Variants in GLCCI1 observed in about 807,000 individuals in gnomAD.
The protein encoded by GLCCI1 is glucocorticoid-induced transcript 1 protein.
In GLCCI1, 24 loss-of-function variants were observed where a neutral mutation model predicts 52.2. The observed-to-expected ratio is 0.46, with a 90% CI of 0.33 to 0.65. GLCCI1 has a LOEUF of 0.65. Among genes scored for constraint, GLCCI1 ranks in the 30% least tolerant of loss-of-function variants. The pLI, the probability that GLCCI1 is intolerant of heterozygous loss-of-function variation, is 0.02. For synonymous variants in GLCCI1, 310 were observed against 276.5 expected (o/e 1.12, Z -1.20); for missense variants, 704 against 701.5 (o/e 1.00, Z -0.04).
intron 1 of GLCCI1, among the ~76,000 whole-genome samples, chr7:7,979,591 T>C (rs1234897743): frequency 1.3e-5 from 2 of 152,216 alleles, no homozygotes; most frequent in Non-Finnish European, 2.9e-5. Context: ...CCTTTACCTA[T>C]TATAATATTA....
intron 6 of GLCCI1, among the ~76,000 whole-genome samples, chr7:8,077,964 G>C (rs559669488): frequency 4.6e-4 from 70 of 152,246 alleles, no homozygotes; most frequent in African/African-American, 1.6e-3. Context: ...GCCGGGCGCG[G>C]TGGCTCACGC....
intron 6 of GLCCI1, among the ~76,000 whole-genome samples, chr7:8,075,382 T>G (rs1782855983): frequency 6.6e-6 from 1 of 152,228 alleles, no homozygotes; most frequent in African/African-American, 2.4e-5. Flanking sequence ...GAACTACTAC[T>G]GCTCTTCTCT....
At chr7:8,070,220 T>G (rs559003125) in intron 5 of GLCCI1, 1 of 152,302 alleles carries the variant, frequency 6.6e-6, no homozygotes, top group South Asian at 2.1e-4. Flanking sequence ...GATGGTTTCC[T>G]TTTTTTCCTT....
intron 3 of GLCCI1, among the ~76,000 whole-genome samples, chr7:8,025,827 C>A (rs997774546): frequency 1.3e-4 from 20 of 152,066 alleles, no homozygotes; most frequent in Admixed American, 3.3e-4. Flanking sequence ...AGAAAAAAAA[C>A]CAAAAAACTG....
At chr7:8,040,653 T>C (rs1781977396) in intron 3 of GLCCI1, among the ~76,000 whole-genome samples, 1 of 152,118 alleles carries the variant, frequency 6.6e-6, no homozygotes, top group African/African-American at 2.4e-5. Context: ...TATAAAGTGG[T>C]ACATCCACTT....
intron 6 of GLCCI1, among the ~76,000 whole-genome samples, chr7:8,080,915 C>G (rs1782980804): frequency 6.7e-6 from 1 of 148,496 alleles, no homozygotes; most frequent in African/African-American, 2.5e-5. Flanking sequence ...CTCAAGTGAT[C>G]CTCCCGCCTC....
At chr7:7,976,007 C>T (rs1347344585) in intron 1 of GLCCI1, among the ~76,000 whole-genome samples, 1 of 152,176 alleles carries the variant, frequency 6.6e-6, no homozygotes, top group African/African-American at 2.4e-5. Context: ...AATCACTAAA[C>T]AGAGACTGGT....
chr7:8,059,021 G>A (rs1184255561), intron 4 of GLCCI1, among the ~76,000 whole-genome samples: 2 of 152,130 alleles, frequency 1.3e-5, no homozygotes, highest in African/African-American at 4.8e-5. Flanking sequence ...CATCATAAAG[G>A]TCTTCCTCCC....
chr7:7,969,210 A>C lies in GLCCI1; in HGVS notation c.-141A>C. 3.3e-5 allele frequency: 19 copies of C among 572,346 alleles called. No homozygotes were observed. Among genetic ancestry groups the C allele is most frequent in the Non-Finnish European group, 3.4e-5 (15 of 435,734 alleles). 35.5% of individuals were successfully genotyped at this position (572,346 alleles called of 1,614,324 possible). ...TGTGCGTTGGGGAGGGGGAGCCCCG[A>C]GACTCCTCCCCCACAGCGATACCCC... On this transcript the variant is annotated 5_prime_UTR_variant, in exon 1 of 8. Coordinates refer to ENST00000223145, the MANE Select transcript of GLCCI1 (RefSeq NM_138426.4). The surrounding 1 kb of genome is among the most constrained non-coding windows in gnomAD (Gnocchi z 4.9).
rs536265401 is a variant in GLCCI1 at position 8,038,749 on chromosome 7, C to G, written c.696+16180C>G. Among the ~76,000 whole-genome samples the G allele has an allele frequency of 1.6e-3, 248 of 152,076 alleles. 1 individual carries two copies. The highest frequency in any genetic ancestry group is 2.1e-3 in the Non-Finnish European group (145 of 67,944). On this transcript the variant is annotated intron_variant, in intron 3 of 7. Transcript: ENST00000223145. The stretch of plus-strand genomic sequence containing the variant: ...AGTAAGATCTCAAAAGCAAATGCAA[C>G]AAAAATAGGCACATGGGAGTTAATT...
chr7:8,003,873 C>T (rs1193748494), intron 1 of GLCCI1, 35 bp from the exon 2 acceptor site: 2 of 1,566,828 alleles, frequency 1.3e-6, no homozygotes, highest in Middle Eastern at 1.7e-4. Flanking sequence ...TTATTTTATT[C>T]ACTAATGACT....
chr7:8,059,622 A>G (rs990174378), intron 4 of GLCCI1, among the ~76,000 whole-genome samples: 1 of 152,192 alleles, frequency 6.6e-6, no homozygotes, highest in African/African-American at 2.4e-5. Flanking sequence ...TAATAATCCA[A>G]CAGATTTTCT....
At chr7:8,002,197 CAAT>C (rs1318754972) in intron 1 of GLCCI1, among the ~76,000 whole-genome samples, 9 of 151,858 alleles carry the variant, frequency 5.9e-5, no homozygotes, top group East Asian at 1.9e-4. Context: ...TTTTAGAACT[CAAT>C]AGTAGTTTAA....
At chr7:8,050,618 C>T (rs972734756) in intron 3 of GLCCI1, among the ~76,000 whole-genome samples, 1 of 152,158 alleles carries the variant, frequency 6.6e-6, no homozygotes, top group Non-Finnish European at 1.5e-5. Flanking sequence ...TTAATATCTT[C>T]AGTGATTGTT....
At chr7:7,975,766 CAG>C (rs886363014) in intron 1 of GLCCI1, among the ~76,000 whole-genome samples, 4 of 152,038 alleles carry the variant, frequency 2.6e-5, no homozygotes, top group African/African-American at 9.7e-5. Context: ...GAGAAAGAGA[CAG>C]AGAGAATGTG....
At chr7:8,081,788 A>G (rs1782998858) in intron 6 of GLCCI1, among the ~76,000 whole-genome samples, 1 of 152,206 alleles carries the variant, frequency 6.6e-6, no homozygotes, top group Non-Finnish European at 1.5e-5. Flanking sequence ...GTACAGATGC[A>G]TATGTGTGAT....
intron 3 of GLCCI1, among the ~76,000 whole-genome samples, chr7:8,026,346 A>G (rs1315408939): frequency 2.0e-5 from 3 of 152,194 alleles, no homozygotes; most frequent in African/African-American, 7.2e-5. Flanking sequence ...AAGAATAGGT[A>G]AACAAAAAAA....
chr7:7,978,951 T>G (rs1780552621), intron 1 of GLCCI1, among the ~76,000 whole-genome samples: 2 of 152,164 alleles, frequency 1.3e-5, no homozygotes, highest in African/African-American at 4.8e-5. Flanking sequence ...TATAATATCT[T>G]TCGAAGTTTT....
At chr7:8,065,420 A>AG (rs2127962627) in intron 5 of GLCCI1, among the ~76,000 whole-genome samples, 1 of 152,258 alleles carries the variant, frequency 6.6e-6, no homozygotes, top group African/African-American at 2.4e-5. Context: ...TCATTGCTCC[A>AG]GCCAGGACTT....
Sources: allele counts gnomAD v4.1 joint callset (sites outside exome capture counted in the v4.1 genomes callset), GRCh38; gene constraint gnomAD v4.1.1; non-coding constraint Gnocchi (gnomAD v3.1); transcripts MANE v1.5; gene names NCBI Gene and HGNC (gene_info 2026-07-23, HGNC 2026-07-21).